The following LPP variants were observed in gnomAD, a reference collection of about 807,000 sequenced individuals.
LPP encodes the protein LIM domain containing preferred translocation partner in lipoma.
LPP carries 38 observed loss-of-function variants against 60.4 expected under a neutral mutation model. That is an observed-to-expected ratio of 0.63 (90% confidence interval 0.49 to 0.83). LPP has a LOEUF of 0.83. Among genes scored for constraint, LPP ranks in the 40% least tolerant of loss-of-function variants. LPP has a pLI of 0.00. For synonymous variants in LPP, 328 were observed against 290.8 expected (o/e 1.13, Z -1.30); for missense variants, 902 against 783.6 (o/e 1.15, Z -1.80).
At chr3:188,742,416 C>G (rs1724775674) in intron 8 of LPP, among the ~76,000 whole-genome samples, 1 of 151,736 alleles carries the variant, frequency 6.6e-6, no homozygotes. Context: ...GGTGAAAGGA[C>G]AAATTATGCT....
chr3:188,862,568 C>T (rs1765421637), intron 9 of LPP, among the ~76,000 whole-genome samples: 1 of 151,736 alleles, frequency 6.6e-6, no homozygotes, highest in African/African-American at 2.4e-5. Context: ...AGTGTGGCAG[C>T]TGGGAGGAGG....
Position 188,243,998 on chromosome 3 carries a change from C to G in LPP, c.-67+18471C>G, listed in dbSNP as rs1178186184. Among the ~76,000 whole-genome samples, 32 of 152,142 alleles carry G rather than the reference C, an allele frequency of 2.1e-4. 1 individual carries two copies. The highest frequency in any genetic ancestry group is 2.0e-3 in the Admixed American group (30 of 15,268). ...TCAAGCGATTCTCCTGCCTCAGCCT[C>G]CTGAGTAGCTTACAGGTGCCCGTCA... On this transcript the variant is annotated intron_variant, in intron 2 of 11. Transcript: ENST00000617246.
chr3:188,577,822 C>T (rs1437138671), intron 6 of LPP, among the ~76,000 whole-genome samples: 1 of 62,806 alleles, frequency 1.6e-5, no homozygotes, highest in Non-Finnish European at 3.4e-5. Context: ...CCCCTCCCCT[C>T]CCCTTCCTTC....
chr3:188,353,561 G>C (rs988171176), intron 3 of LPP, among the ~76,000 whole-genome samples: 2 of 152,292 alleles, frequency 1.3e-5, no homozygotes, highest in South Asian at 2.1e-4. Flanking sequence ...TTTGCATTTA[G>C]ATCTTTTGTC....
At chr3:188,777,601 G>C (rs1229796795) in intron 9 of LPP, among the ~76,000 whole-genome samples, 1 of 152,190 alleles carries the variant, frequency 6.6e-6, no homozygotes, top group Non-Finnish European at 1.5e-5. Context: ...GTTTATCTAA[G>C]CATGTCAGGG....
intron 8 of LPP, among the ~76,000 whole-genome samples, chr3:188,730,163 G>A (rs1719920254): frequency 6.6e-6 from 1 of 152,192 alleles, no homozygotes. Context: ...TGCATTGTTT[G>A]TGCTGGTCCC....
At chr3:188,556,528 TC>T (rs779541059) in intron 6 of LPP, among the ~76,000 whole-genome samples, 59 of 152,092 alleles carry the variant, frequency 3.9e-4, no homozygotes, top group Non-Finnish European at 1.0e-4. Flanking sequence ...GACTTATATT[TC>T]CTTCTTACCC....
At chr3:188,700,622 C>T (rs902989862) in intron 7 of LPP, among the ~76,000 whole-genome samples, 1 of 152,028 alleles carries the variant, frequency 6.6e-6, no homozygotes, top group African/African-American at 2.4e-5. Flanking sequence ...GATTTCATGC[C>T]CCAAGTGTAG....
intron 9 of LPP, among the ~76,000 whole-genome samples, chr3:188,764,651 A>G (rs1256140700): frequency 6.6e-6 from 1 of 152,222 alleles, no homozygotes; most frequent in African/African-American, 2.4e-5. Flanking sequence ...ATAAAGAGAC[A>G]GCCTTACTCA....
intron 3 of LPP, among the ~76,000 whole-genome samples, chr3:188,372,247 G>A (rs115995998): frequency 0.037 from 5,673 of 152,036 alleles, 150 homozygotes; most frequent in Non-Finnish European, 0.061. Context: ...GTAGGTTTTC[G>A]TAGTATCATG....
chr3:188,504,685 C>T (rs1812935808), intron 5 of LPP, among the ~76,000 whole-genome samples: 2 of 151,846 alleles, frequency 1.3e-5, no homozygotes, highest in African/African-American at 4.8e-5. Flanking sequence ...TCTGAGCCTG[C>T]ATGTTTCCCT....
intron 1 of LPP, among the ~76,000 whole-genome samples, chr3:188,169,061 G>T (rs1438023475): frequency 6.6e-6 from 1 of 152,162 alleles, no homozygotes; most frequent in Non-Finnish European, 1.5e-5. Context: ...GACTTCACTT[G>T]GGTGAAAGAG....
At chr3:188,719,036 A>T (rs1393908051) in intron 8 of LPP, among the ~76,000 whole-genome samples, 1 of 152,220 alleles carries the variant, frequency 6.6e-6, no homozygotes, top group East Asian at 1.9e-4. Flanking sequence ...AGAGTAAGAC[A>T]TGGCTGCTAC....
chr3:188,512,589 A>AAATAAAT (rs1281351983), intron 5 of LPP, among the ~76,000 whole-genome samples: 1 of 151,514 alleles, frequency 6.6e-6, no homozygotes, highest in Admixed American at 6.6e-5. Context: ...ATAAATAAAT[A>AAATAAAT]AATAAAGTTC....
chr3:188,843,735 C>T (rs376237816), intron 9 of LPP, among the ~76,000 whole-genome samples: 2 of 142,654 alleles, frequency 1.4e-5, no homozygotes, highest in Admixed American at 7.3e-5. Flanking sequence ...TGCAGGGAGC[C>T]GAGATCGCGC....
intron 4 of LPP, among the ~76,000 whole-genome samples, chr3:188,436,280 G>T (rs181468012): frequency 8.6e-4 from 131 of 152,186 alleles, no homozygotes; most frequent in African/African-American, 3.0e-3. Context: ...TCATCTTAAG[G>T]TTATGGCTGA....
At chr3:188,832,528 C>T (rs969943174) in intron 9 of LPP, among the ~76,000 whole-genome samples, 2 of 152,200 alleles carry the variant, frequency 1.3e-5, no homozygotes, top group South Asian at 2.1e-4. Context: ...CCCTCAGAAA[C>T]TGTGAGATAG....
At chr3:188,509,915 C>T (rs1360326411) in intron 5 of LPP, among the ~76,000 whole-genome samples, 3 of 91,844 alleles carry the variant, frequency 3.3e-5, no homozygotes, top group African/African-American at 1.2e-4. Context: ...GATGGGGTTT[C>T]ACCATGTTGG....
At chr3:188,677,851 A>T (rs1245020098) in intron 7 of LPP, among the ~76,000 whole-genome samples, 1 of 151,716 alleles carries the variant, frequency 6.6e-6, no homozygotes, top group East Asian at 1.9e-4. Context: ...TGTTTCTCCC[A>T]CCTACCCTAG....
Sources: allele counts gnomAD v4.1 joint callset (sites outside exome capture counted in the v4.1 genomes callset), GRCh38; gene constraint gnomAD v4.1.1; transcripts MANE v1.5; gene names NCBI Gene and HGNC (gene_info 2026-07-23, HGNC 2026-07-21).